The following CPED1 variants were observed in gnomAD, a reference collection of about 807,000 sequenced individuals.
CPED1 encodes the protein cadherin like and PC-esterase domain containing 1.
A neutral mutation model predicts 128.2 loss-of-function variants in CPED1; 114 were observed. That is an observed-to-expected ratio of 0.89 (90% CI 0.76 to 1.04). The LOEUF is 1.04. Ranked by LOEUF, CPED1 falls within the 50% of genes least tolerant of loss-of-function variation. CPED1 has a pLI of 0.00. For missense variants in CPED1, 1,211 were observed against 1,207.1 expected (o/e 1.00, Z -0.05); for synonymous variants, 462 against 426.7 (o/e 1.08, Z -1.02).
chr7:121,155,156 A>T (rs896867788), intron 16 of CPED1, among the ~76,000 whole-genome samples: 1 of 152,202 alleles, frequency 6.6e-6, no homozygotes, highest in Admixed American at 6.5e-5. Flanking sequence ...GAATCAATCT[A>T]ACTAAAGAAA....
chr7:121,013,772 A>G (rs1175168219), intron 2 of CPED1, among the ~76,000 whole-genome samples: 3 of 152,242 alleles, frequency 2.0e-5, no homozygotes, highest in East Asian at 3.8e-4. Context: ...TTTGTGTGCA[A>G]TAAAAAAATA....
At chr7:121,167,939 TA>T (rs901081279) in intron 16 of CPED1, among the ~76,000 whole-genome samples, 1 of 152,032 alleles carries the variant, frequency 6.6e-6, no homozygotes, top group Non-Finnish European at 1.5e-5. Context: ...TTCACCGTGT[TA>T]GCCAGGATGG....
intron 2 of CPED1, among the ~76,000 whole-genome samples, chr7:120,993,116 A>G (rs1796335841): frequency 6.6e-6 from 1 of 152,174 alleles, no homozygotes; most frequent in African/African-American, 2.4e-5. Flanking sequence ...TTGCCTGACA[A>G]TCTGCCAAGT....
Position 121,130,130 on chromosome 7 carries a change from C to G in CPED1, c.1413C>G (p.Phe471Leu), listed in dbSNP as rs1795625079. The G allele has an allele frequency of 6.2e-7, 1 of 1,611,378 alleles. No homozygotes were observed. Among genetic ancestry groups the G allele is most frequent in the Non-Finnish European group, 8.5e-7 (1 of 1,178,010 alleles). Reference protein sequence around the residue: ...LGSLGQFQLLFPSTTPGIQSL... With the variant: ...LGSLGQFQLLLPSTTPGIQSL... ...CTGATATTTTGTGTTCTCAGCTCTTCCCATCTACTACTCCTGGGATTCAGT... is the reference window on the plus strand; with the variant it reads ...CTGATATTTTGTGTTCTCAGCTCTTGCCATCTACTACTCCTGGGATTCAGT... The change falls in exon 12 of 23, where the codon TTC becomes TTG. Residue 471 changes from phenylalanine (F) to leucine (L), a missense_variant. By Grantham distance (22) the Phe-to-Leu change is conservative. Transcript: ENST00000310396.
chr7:121,003,191 G>A (rs1791911677), intron 2 of CPED1, among the ~76,000 whole-genome samples: 2 of 152,084 alleles, frequency 1.3e-5, no homozygotes, highest in Admixed American at 1.3e-4. Flanking sequence ...CCCCACCCAG[G>A]TCTTCCTTCA....
intron 16 of CPED1, among the ~76,000 whole-genome samples, chr7:121,170,150 G>A (rs1400115059): frequency 6.6e-6 from 1 of 152,212 alleles, no homozygotes; most frequent in Non-Finnish European, 1.5e-5. Flanking sequence ...TGTGAATGAT[G>A]AAGAGTGAGT....
intron 5 of CPED1, among the ~76,000 whole-genome samples, chr7:121,066,209 C>T (rs368654581): frequency 1.3e-5 from 2 of 151,912 alleles, no homozygotes; most frequent in African/African-American, 4.8e-5. Flanking sequence ...GCAAAATGTC[C>T]TGTGTAATTT....
intron 7 of CPED1, among the ~76,000 whole-genome samples, chr7:121,111,722 AAC>A (rs1474782305): frequency 1.3e-5 from 2 of 152,106 alleles, no homozygotes; most frequent in African/African-American, 4.8e-5. Flanking sequence ...AAAAAGAAAA[AAC>A]ACATGAGGTT....
chr7:121,199,246 T>C (rs1469188134), intron 16 of CPED1, among the ~76,000 whole-genome samples: 1 of 151,990 alleles, frequency 6.6e-6, no homozygotes, highest in Non-Finnish European at 1.5e-5. Flanking sequence ...AGTCCACACA[T>C]GGGGTATAAT....
At chr7:121,118,282 G>A (rs1278592351) in intron 7 of CPED1, among the ~76,000 whole-genome samples, 3 of 152,142 alleles carry the variant, frequency 2.0e-5, no homozygotes, top group Admixed American at 2.0e-4. Context: ...AAAGAAACCG[G>A]CTGGGCGCGG....
chr7:121,009,983 T>C (rs1391891433), intron 2 of CPED1, among the ~76,000 whole-genome samples: 1 of 152,260 alleles, frequency 6.6e-6, no homozygotes, highest in African/African-American at 2.4e-5. Flanking sequence ...TATGTATTCA[T>C]TCATTTGCTC....
intron 2 of CPED1, among the ~76,000 whole-genome samples, chr7:121,002,487 A>G (rs557847108): frequency 6.6e-6 from 1 of 152,294 alleles, no homozygotes; most frequent in South Asian, 2.1e-4. Context: ...TTTTCTGAAT[A>G]AACAGTGAAA....
chr7:121,240,765 T>TAA (rs71170235), intron 17 of CPED1, among the ~76,000 whole-genome samples: 20 of 93,788 alleles, frequency 2.1e-4, no homozygotes, highest in African/African-American at 7.9e-4. Flanking sequence ...CCTCTTCTGT[T>TAA]AAAAAAAAAA....
chr7:121,239,322 A>T (rs1303353342), intron 17 of CPED1, among the ~76,000 whole-genome samples: 1 of 152,152 alleles, frequency 6.6e-6, no homozygotes, highest in Non-Finnish European at 1.5e-5. Context: ...ATCAGCCATT[A>T]AACTTTTGAA....
intron 5 of CPED1, among the ~76,000 whole-genome samples, chr7:121,096,170 T>C (rs1471303412): frequency 6.6e-6 from 1 of 152,168 alleles, no homozygotes; most frequent in Non-Finnish European, 1.5e-5. Flanking sequence ...TCCTTTATTA[T>C]GATGTATTAG....
At chr7:121,256,457 A>G (rs942337315) in intron 18 of CPED1, among the ~76,000 whole-genome samples, 7 of 152,044 alleles carry the variant, frequency 4.6e-5, no homozygotes, top group Non-Finnish European at 8.8e-5. Flanking sequence ...ATTTAAATGT[A>G]AGACCTCAAG....
intron 16 of CPED1, among the ~76,000 whole-genome samples, chr7:121,182,746 G>A (rs748482605): frequency 1.3e-5 from 2 of 151,980 alleles, no homozygotes; most frequent in Non-Finnish European, 1.5e-5. Flanking sequence ...TTGCTATTGG[G>A]ATTACTTTGG....
At chr7:121,251,215 C>T (rs1160354620) in intron 18 of CPED1, among the ~76,000 whole-genome samples, 7 of 152,010 alleles carry the variant, frequency 4.6e-5, no homozygotes, top group African/African-American at 1.7e-4. Context: ...AGACAAAAAC[C>T]ACATGATTAT....
chr7:121,081,225 G>GT (rs1179497037), intron 5 of CPED1, among the ~76,000 whole-genome samples: 1 of 152,174 alleles, frequency 6.6e-6, no homozygotes, highest in South Asian at 2.1e-4. Flanking sequence ...CAAAATGAGA[G>GT]TTGCAGCAAA....
Sources: allele counts gnomAD v4.1 joint callset (sites outside exome capture counted in the v4.1 genomes callset), GRCh38; gene constraint gnomAD v4.1.1; transcripts MANE v1.5; gene names NCBI Gene and HGNC (gene_info 2026-07-23, HGNC 2026-07-21).